The following GLS variants were observed in gnomAD, a reference collection of about 807,000 sequenced individuals.
GLS encodes the protein glutaminase kidney isoform, mitochondrial.
Under a neutral mutation model 86.7 loss-of-function variants are expected in GLS, and 36 were observed. The observed-to-expected ratio is 0.42, with a 90% CI of 0.32 to 0.55. The LOEUF (loss-of-function observed/expected upper bound fraction) is 0.55, where lower values mean the gene tolerates loss of function less well. Among genes scored for constraint, GLS ranks in the 20% least tolerant of loss-of-function variants. The probability of loss-of-function intolerance (pLI) is 0.17; values close to 1 mark genes in which losing one functional copy is unlikely to be tolerated. For synonymous variants in GLS, 317 were observed against 305.9 expected (o/e 1.04, Z -0.38); for missense variants, 528 against 833.4 (o/e 0.63, Z 4.51).
chr2:190,892,064 A>G (rs999595527), intron 1 of GLS, among the ~76,000 whole-genome samples: 6 of 152,066 alleles, frequency 3.9e-5, no homozygotes, highest in Non-Finnish European at 8.8e-5. Flanking sequence ...TATTCTTGTA[A>G]TTCCTCATTT....
In GLS at chr2:190,962,999, C is replaced by A; in HGVS notation, c.*13C>A. The A allele has an allele frequency of 6.4e-7, 1 of 1,562,180 alleles. No homozygotes were observed. The highest frequency in any genetic ancestry group is 1.2e-5 in the South Asian group (1 of 83,852). On this transcript the variant is annotated 3_prime_UTR_variant, in exon 18 of 18. Transcript: ENST00000320717. The surrounding 1 kb of genome is among the most constrained non-coding windows in gnomAD (Gnocchi z 4.2). Reference sequence around the variant, plus strand: ...TGGATTGTTGTAATGGTCTCAAATCCCAAGATTTAAATCACTTACCTATTT... The same window carrying A: ...TGGATTGTTGTAATGGTCTCAAATCACAAGATTTAAATCACTTACCTATTT...
Position 190,955,748 on chromosome 2 carries a change from G to A in GLS, c.1853+930G>A, listed in dbSNP as rs534120685. 3.1e-3 allele frequency among the ~76,000 whole-genome samples: 465 copies of A among 152,322 alleles called. 8 individuals are homozygous for A. Among genetic ancestry groups the A allele is most frequent in the African/African-American group, 0.01 (433 of 41,564 alleles). ...GAACTAATTTACACTCCCACTAACA[G>A]TGTAAAAGCGTTCCTATTTCTCCAC... On this transcript the variant is annotated intron_variant, in intron 17 of 17. Coordinates refer to ENST00000320717, the MANE Select transcript of GLS (RefSeq NM_014905.5). This position sits in a 1 kb window ranked among gnomAD's most constrained non-coding sequence, Gnocchi z 5.6.
chr2:190,887,833 A>G (rs572202248), intron 1 of GLS, among the ~76,000 whole-genome samples: 3 of 152,322 alleles, frequency 2.0e-5, no homozygotes, highest in African/African-American at 4.8e-5. Context: ...GTACATTCAT[A>G]TGAGGGTCTC....
chr2:190,963,599 C>T lies in GLS; in HGVS notation c.*613C>T, dbSNP rs139255699. The T allele has an allele frequency of 1.4e-4, 22 of 152,716 alleles. No homozygotes were observed. Among genetic ancestry groups the T allele is most frequent in the African/African-American group, 4.3e-4 (18 of 41,556 alleles). The allele number at this position is 152,716 out of a possible 1,614,324, so 9.5% of individuals were successfully genotyped here. On this transcript the variant is annotated 3_prime_UTR_variant, in exon 18 of 18. Transcript: ENST00000320717. ...TTTAAGATATGTTTGGTGACCAAAACGTATGTGTGAATGTAGTTATAATGC... is the reference window on the plus strand; with the variant it reads ...TTTAAGATATGTTTGGTGACCAAAATGTATGTGTGAATGTAGTTATAATGC...
Position 190,929,988 on chromosome 2 carries a change from G to C in GLS, c.1426-449G>C, listed in dbSNP as rs553661874. Among the ~76,000 whole-genome samples the C allele has an allele frequency of 3.3e-5, 5 of 151,992 alleles. No homozygotes were observed. The South Asian group carries it at 1.0e-3, about 32-fold the overall frequency. ...AGCCTCCCGAGTAGTTGGGACTACA[G>C]GCGTGCACTTTGGGAGGCTGAGGCG... On this transcript the variant is annotated intron_variant, in intron 12 of 17. Coordinates refer to ENST00000320717, the MANE Select transcript of GLS (RefSeq NM_014905.5).
At chr2:190,932,240 G>C (rs1216904410) in intron 14 of GLS, among the ~76,000 whole-genome samples, 1 of 151,804 alleles carries the variant, frequency 6.6e-6, no homozygotes, top group African/African-American at 2.4e-5. Context: ...TCATACTATT[G>C]TACACATATA....
chr2:190,940,506 C>T (rs1330410332), intron 14 of GLS, among the ~76,000 whole-genome samples: 1 of 152,034 alleles, frequency 6.6e-6, no homozygotes, highest in African/African-American at 2.4e-5. Flanking sequence ...TCTGAATGCC[C>T]TTATTCTGGC....
chr2:190,941,480 T>G (rs1323225164), intron 14 of GLS, among the ~76,000 whole-genome samples: 1 of 152,104 alleles, frequency 6.6e-6, no homozygotes, highest in East Asian at 1.9e-4. Context: ...AGCTGTATCT[T>G]TAATGTTTCA....
rs1307942853 is a variant in GLS at position 190,914,218 on chromosome 2, C to G, written c.1038+3897C>G. On this transcript the variant is annotated intron_variant, in intron 7 of 17. Transcript: ENST00000320717. This position sits in a 1 kb window ranked among gnomAD's most constrained non-coding sequence, Gnocchi z 4.4. The stretch of plus-strand genomic sequence containing the variant: ...TCTTTCTCTTTAAACAATTTGTAAT[C>G]ATACTCATTGAAAATCAAGACAAGC... 6.6e-6 allele frequency among the ~76,000 whole-genome samples: 1 copy of G among 151,886 alleles called. No homozygotes were observed. Among genetic ancestry groups the G allele is most frequent in the Non-Finnish European group, 1.5e-5 (1 of 67,994 alleles).
In GLS at chr2:190,951,033, G is replaced by A. The variant is rs115042527; in HGVS notation, c.1651-2532G>A. On this transcript the variant is annotated intron_variant, in intron 14 of 17. Transcript: ENST00000320717. The surrounding 1 kb of genome is among the most constrained non-coding windows in gnomAD (Gnocchi z 4.2). Reference sequence around the variant, plus strand: ...GGAGCTGTAGGACTGGAGCTTAGGAGAAAGATTTAGATTAAAGATGGGGAA... The same window carrying A: ...GGAGCTGTAGGACTGGAGCTTAGGAAAAAGATTTAGATTAAAGATGGGGAA... Among the ~76,000 whole-genome samples the A allele has an allele frequency of 5.6e-3, 854 of 152,292 alleles. 9 individuals are homozygous for A. The highest frequency in any genetic ancestry group is 0.019 in the African/African-American group (809 of 41,556).
At chr2:190,882,151 A>C (rs182025965) in intron 1 of GLS, 73 of 152,344 alleles carry the variant, frequency 4.8e-4, no homozygotes, top group African/African-American at 1.7e-3. Flanking sequence ...ACCTGTTTGC[A>C]TAAGGGACCA....
At position 190,927,205 on chromosome 2, in the gene GLS, A is replaced by C. The variant is rs554906764; in HGVS notation, c.1249-101A>C. The C allele has an allele frequency of 1.1e-4, 101 of 906,712 alleles. 3 individuals carry two copies. In the South Asian group the frequency reaches 1.8e-3, roughly 16 times the overall value. 56.2% of individuals were successfully genotyped at this position (906,712 alleles called of 1,614,324 possible). A position where few individuals can be genotyped will look rare whatever the true frequency, so the allele number is the denominator to read the frequency against. The stretch of plus-strand genomic sequence containing the variant: ...TATTAAAGTAATCTCTTTGGAAGAA[A>C]TATTTCAGATCTGTATGAAATACCA... On this transcript the variant is annotated intron_variant, in intron 11 of 17. Coordinates refer to ENST00000320717, the MANE Select transcript of GLS (RefSeq NM_014905.5).
At position 190,963,686 on chromosome 2, in the gene GLS, C is replaced by G. The variant is rs985030044; in HGVS notation, c.*700C>G. 1 of 152,630 alleles carries G rather than the reference C, an allele frequency of 6.6e-6. No individual in the cohort carries two copies. Among genetic ancestry groups the G allele is most frequent in the South Asian group, 2.1e-4 (1 of 4,826 alleles). 9.5% of individuals were successfully genotyped at this position (152,630 alleles called of 1,614,324 possible). On this transcript the variant is annotated 3_prime_UTR_variant, in exon 18 of 18. Coordinates refer to ENST00000320717, the MANE Select transcript of GLS (RefSeq NM_014905.5). ...CCAGCCTCTCTTCTCAGACATTTAG[C>G]TATCTGCCTCTTTCCTTTAGCTGGG...
Position 190,964,187 on chromosome 2 carries a change from G to A in GLS, c.*1201G>A, listed in dbSNP as rs549471065. On this transcript the variant is annotated 3_prime_UTR_variant, in exon 18 of 18. Coordinates refer to ENST00000320717, the MANE Select transcript of GLS (RefSeq NM_014905.5). The surrounding 1 kb of genome is among the most constrained non-coding windows in gnomAD (Gnocchi z 5.2). ...ACCTATAATTCTTTGTCTTGGGTTG[G>A]TAATTCAGGATTCATTTGGAAAGTG... The A allele has an allele frequency of 6.6e-6, 1 of 152,156 alleles. No homozygotes were observed. Among genetic ancestry groups the A allele is most frequent in the Non-Finnish European group, 1.5e-5 (1 of 68,016 alleles). 9.4% of individuals were successfully genotyped at this position (152,156 alleles called of 1,614,324 possible).
chr2:190,928,263 A>G (rs575065217), intron 12 of GLS, among the ~76,000 whole-genome samples: 26 of 151,972 alleles, frequency 1.7e-4, no homozygotes, highest in Non-Finnish European at 2.9e-4. Context: ...CATTATTAAT[A>G]TCAATATTAA....
In GLS at chr2:190,905,208, C is replaced by G; in HGVS notation, c.979+41C>G. On this transcript the variant is annotated intron_variant, in intron 6 of 17. Transcript: ENST00000320717. The surrounding 1 kb of genome is among the most constrained non-coding windows in gnomAD (Gnocchi z 4.6). Reference sequence around the variant, plus strand: ...ACATTGGTTGAAAAAAGAAATGTCTCATTTTCCTATGTAAATCTAAGTCGT... The same window carrying G: ...ACATTGGTTGAAAAAAGAAATGTCTGATTTTCCTATGTAAATCTAAGTCGT... 1 of 1,206,934 alleles carries G rather than the reference C, an allele frequency of 8.3e-7. No homozygotes were observed. The highest frequency in any genetic ancestry group is 2.4e-5 in the East Asian group (1 of 41,838). The allele number at this position is 1,206,934 out of a possible 1,614,324, so 74.8% of individuals were successfully genotyped here.
intron 14 of GLS, chr2:190,934,010 A>G (rs964130947): frequency 1.0e-6 from 1 of 964,290 alleles, no homozygotes. Flanking sequence ...TATTCATAGT[A>G]TTTATAGTTG....
chr2:190,903,393 A>AT (rs1175377722), intron 5 of GLS, among the ~76,000 whole-genome samples: 8 of 152,176 alleles, frequency 5.3e-5, no homozygotes, highest in Admixed American at 1.3e-4. Context: ...CTTTATCCTC[A>AT]TTTGGGTCAG....
chr2:190,953,337 CTTGTGTA>C lies in GLS; in HGVS notation c.1651-226_1651-220del, dbSNP rs1690767870. On this transcript the variant is annotated intron_variant, in intron 14 of 17. Transcript: ENST00000320717. The surrounding 1 kb of genome is among the most constrained non-coding windows in gnomAD (Gnocchi z 4.0). ...CAAGTGATATTATTCCATTCCTTCC[CTTGTGTA>C]TCTTATCTTTATTATTGAATTTTCC... Among the ~76,000 whole-genome samples the C allele has an allele frequency of 2.6e-5, 4 of 152,154 alleles. No homozygotes were observed. The highest frequency in any genetic ancestry group is 5.9e-5 in the Non-Finnish European group (4 of 68,036).
Sources: gnomAD v4.1 joint callset for allele counts (sites outside exome capture counted in the v4.1 genomes callset) on GRCh38, gnomAD v4.1.1 for gene constraint, Gnocchi (gnomAD v3.1) non-coding constraint, MANE v1.5 for transcripts, NCBI Gene and HGNC (gene_info 2026-07-23, HGNC 2026-07-21) for gene names.